The following PPIL4 variants were observed in gnomAD, a reference collection of about 807,000 sequenced individuals.
PPIL4 encodes the protein peptidylprolyl isomerase like 4.
In PPIL4, 50 loss-of-function variants were observed where a neutral mutation model predicts 69.1. The observed-to-expected ratio is 0.72, with a 90% CI of 0.58 to 0.92. The LOEUF is 0.92. PPIL4 is among the 40% of genes least tolerant of loss of function. The pLI, the probability that PPIL4 is intolerant of heterozygous loss-of-function variation, is 0.00. For synonymous variants in PPIL4, 193 were observed against 191.6 expected, an observed-to-expected ratio of 1.01 and a Z score of -0.06; for missense variants, 480 against 587.9, an observed-to-expected ratio of 0.82 and a Z score of 1.90.
At chr6:149,535,487 T>C in intron 5 of PPIL4, 109 bp downstream of exon 5, 1 of 637,154 alleles carries the variant, frequency 1.6e-6, no homozygotes. Flanking sequence ...GGGATTAGAA[T>C]TATCCAGAAA....
intron 1 of PPIL4, 68 bp from the exon 2 acceptor site, chr6:149,541,654 C>T: frequency 2.3e-6 from 2 of 874,388 alleles, no homozygotes; most frequent in East Asian, 2.5e-5. Context: ...AGTAAAGCCA[C>T]AGTAAAATGT....
chr6:149,512,011 C>A, intron 12 of PPIL4, 144 bp downstream of exon 12: 1 of 561,908 alleles, frequency 1.8e-6, no homozygotes, highest in South Asian at 3.6e-5. Context: ...ATCCCATACC[C>A]CAGTGCAACC....
chr6:149,510,750 A>G (rs936791285), intron 12 of PPIL4, among the ~76,000 whole-genome samples: 1 of 152,230 alleles, frequency 6.6e-6, no homozygotes, highest in East Asian at 1.9e-4. Flanking sequence ...CTCAAAAAAA[A>G]GAAAGAAAAG....
chr6:149,517,501 A>G (rs1354215383), intron 10 of PPIL4, 51 bp from the exon 11 acceptor site: 2 of 793,474 alleles, frequency 2.5e-6, no homozygotes, highest in Non-Finnish European at 4.0e-6. Flanking sequence ...CCACCTAACC[A>G]AGAACAATAA....
At position 149,541,073 on chromosome 6, in the gene PPIL4, T is replaced by C. The variant is rs1777352525; in HGVS notation, c.204-14A>G. On this transcript the variant is annotated splice_polypyrimidine_tract_variant and intron_variant, in intron 3 of 12. Coordinates refer to ENST00000253329, the MANE Select transcript of PPIL4 (RefSeq NM_139126.4). ...CCATACAGTTGGCTGAAAAAACATA[T>C]AAGGTTATAAATGTAAGTACTCTCA... 2.1e-6 allele frequency: 3 copies of C among 1,461,020 alleles called. No individual in the cohort carries two copies. The highest frequency in any genetic ancestry group is 4.5e-5 in the East Asian group (2 of 44,076). 90.5% of individuals were successfully genotyped at this position (1,461,020 alleles called of 1,614,324 possible). A position where few individuals can be genotyped will look rare whatever the true frequency, so the allele number is the denominator to read the frequency against.
rs1776892844 is a variant in PPIL4 at position 149,513,446 on chromosome 6, A to G, written c.1080-1144T>C. Among the ~76,000 whole-genome samples the G allele has an allele frequency of 2.1e-5, 3 of 139,906 alleles. No individual in the cohort carries two copies. In the South Asian group the frequency reaches 6.6e-4, roughly 31 times the overall value. The allele number at this position is 139,906 out of a possible 152,430, so 91.8% of individuals were successfully genotyped here. A position where few individuals can be genotyped will look rare whatever the true frequency, so the allele number is the denominator to read the frequency against. ...ATATATATATATATATATACATATA[A>G]AAAATATGCATAATAGTATTACTTT... On this transcript the variant is annotated intron_variant, in intron 11 of 12. Coordinates refer to ENST00000253329, the MANE Select transcript of PPIL4 (RefSeq NM_139126.4).
chr6:149,523,281 T>C (rs1345135089), intron 9 of PPIL4, among the ~76,000 whole-genome samples: 4 of 151,958 alleles, frequency 2.6e-5, no homozygotes, highest in Non-Finnish European at 5.9e-5. Context: ...AGAGTGATCC[T>C]GTCCCTTAAA....
At chr6:149,545,834 C>T in intron 1 of PPIL4, 102 bp downstream of exon 1, 2 of 1,124,654 alleles carry the variant, frequency 1.8e-6, no homozygotes, top group Admixed American at 2.2e-5. Flanking sequence ...AGCCCAGAAG[C>T]TCGAGCTCTA....
At chr6:149,539,893 G>A (rs1284223296) in intron 4 of PPIL4, among the ~76,000 whole-genome samples, 1 of 152,184 alleles carries the variant, frequency 6.6e-6, no homozygotes. Flanking sequence ...ACTTTGGGAG[G>A]CCAAGGCAGG....
At chr6:149,521,383 G>C (rs888175857) in intron 9 of PPIL4, among the ~76,000 whole-genome samples, 1 of 152,184 alleles carries the variant, frequency 6.6e-6, no homozygotes, top group Non-Finnish European at 1.5e-5. Context: ...TGAGAAAACA[G>C]AAGTTTAGAG....
At chr6:149,515,922 C>T (rs1487328848) in intron 11 of PPIL4, among the ~76,000 whole-genome samples, 1 of 152,110 alleles carries the variant, frequency 6.6e-6, no homozygotes, top group Non-Finnish European at 1.5e-5. Flanking sequence ...TCACTAATTT[C>T]TCTTTCTCTT....
intron 7 of PPIL4, among the ~76,000 whole-genome samples, chr6:149,532,911 T>G (rs953377181): frequency 1.3e-5 from 2 of 152,206 alleles, no homozygotes; most frequent in Non-Finnish European, 2.9e-5. Flanking sequence ...ATTCCAATAT[T>G]TATTATCTAT....
At chr6:149,513,557 AAATG>A (rs1163051271) in intron 11 of PPIL4, among the ~76,000 whole-genome samples, 2 of 150,700 alleles carry the variant, frequency 1.3e-5, no homozygotes, top group Non-Finnish European at 3.0e-5. Context: ...ACAATATTAT[AAATG>A]AAGTTATCAA....
intron 6 of PPIL4, 85 bp downstream of exon 6, chr6:149,534,593 A>G (rs1293881131): frequency 4.1e-6 from 3 of 729,784 alleles, no homozygotes; most frequent in East Asian, 3.0e-5. Flanking sequence ...AATTCGGAAA[A>G]AATTAACTTT....
Position 149,542,431 on chromosome 6 carries a change from C to T in PPIL4, c.71-845G>A, listed in dbSNP as rs572561234. On this transcript the variant is annotated intron_variant, in intron 1 of 12. Coordinates refer to ENST00000253329, the MANE Select transcript of PPIL4 (RefSeq NM_139126.4). ...CACTGCCATCACAAATGCCATTAAA[C>T]TGTGGTCCCTGCTCCCAAAAAGTTC... 8.5e-5 allele frequency among the ~76,000 whole-genome samples: 13 copies of T among 152,300 alleles called. No homozygotes were observed. In the South Asian group the frequency reaches 2.7e-3, roughly 32 times the overall value.
Position 149,512,271 on chromosome 6 carries a change from C to T in PPIL4, c.1111G>A (p.Ala371Thr), listed in dbSNP as rs1431229749. Residue 371 changes from alanine to threonine, a missense_variant, in exon 12 of 13, where the codon GCC (alanine) becomes ACC (threonine). Ala to Thr is a moderately conservative substitution (Grantham distance 58). Transcript: ENST00000253329. ...TKYDLILDEQ[A>T]EDSKSSHSHT... ...GAGTGACTTGATTTTGAGTCTTCGG[C>T]CTGCTCATCTAATATAAGATCGTAT... 1.2e-6 allele frequency: 2 copies of T among 1,612,836 alleles called. No individual in the cohort carries two copies. Among genetic ancestry groups the T allele is most frequent in the Non-Finnish European group, 1.7e-6 (2 of 1,179,120 alleles).
intron 11 of PPIL4, among the ~76,000 whole-genome samples, chr6:149,514,765 AGT>A (rs36117544): frequency 0.83 from 124,255 of 149,404 alleles, 51,682 homozygotes; most frequent in Admixed American, 0.88. Flanking sequence ...TTTTGGTTCA[AGT>A]GTGTGTGTGT....
chr6:149,517,423 T>C lies in PPIL4; in HGVS notation c.1010A>G (p.Lys337Arg). The C allele has an allele frequency of 6.2e-7, 1 of 1,601,426 alleles. No homozygotes were observed. The highest frequency in any genetic ancestry group is 8.5e-7 in the Non-Finnish European group (1 of 1,172,152). Reference protein sequence around the residue: ...KGGKYTKSDFKEYEKEQDKPP... With the variant: ...KGGKYTKSDFREYEKEQDKPP... ...TTTATCCTGTTCTTTTTCATACTCC[T>C]TGAAATCACTCTTGGTGTATTTCCC... Residue 337 changes from lysine (K) to arginine (R), a missense_variant, in exon 11 of 13, where the codon AAG (lysine) becomes AGG (arginine). Physicochemically the swap from Lys to Arg is conservative, Grantham distance 26. Coordinates refer to ENST00000253329, the MANE Select transcript of PPIL4 (RefSeq NM_139126.4).
intron 11 of PPIL4, among the ~76,000 whole-genome samples, chr6:149,514,843 A>AT (rs1294248979): frequency 6.4e-4 from 94 of 146,540 alleles, no homozygotes; most frequent in African/African-American, 2.0e-3. Context: ...ATTTTTTTTA[A>AT]TTTTTTTTTT....
Sources: gnomAD v4.1 joint callset for allele counts (sites outside exome capture counted in the v4.1 genomes callset) on GRCh38, gnomAD v4.1.1 for gene constraint, MANE v1.5 for transcripts, NCBI Gene and HGNC (gene_info 2026-07-23, HGNC 2026-07-21) for gene names.